Variants in CCDC77 observed in about 807,000 individuals in gnomAD.
The protein encoded by CCDC77 is coiled-coil domain containing 77.
A neutral mutation model predicts 66.8 loss-of-function variants in CCDC77; 56 were observed. That is an observed-to-expected ratio of 0.84 (90% CI 0.68 to 1.05). The LOEUF (loss-of-function observed/expected upper bound fraction) is 1.05, where lower values mean the gene tolerates loss of function less well. Ranked by LOEUF, CCDC77 falls within the 50% of genes least tolerant of loss-of-function variation. The pLI is 0.00. For missense variants in CCDC77, 570 were observed against 576.8 expected (o/e 0.99, Z 0.12); for synonymous variants, 196 against 195.2 (o/e 1.00, Z -0.03).
chr12:431,996 C>T (rs761848923), intron 8 of CCDC77, 42 bp downstream of exon 8: 2 of 1,211,532 alleles, frequency 1.7e-6, no homozygotes, highest in South Asian at 1.2e-5. Context: ...CTTTTATCCA[C>T]AGGTGCAGCT....
At chr12:428,728 G>A (rs1400955762) in intron 5 of CCDC77, 41 bp from the exon 6 acceptor site, 1 of 1,366,132 alleles carries the variant, frequency 7.3e-7, no homozygotes. Flanking sequence ...ACTTACTTGG[G>A]ACATTTAATA....
chr12:411,698 A>G, intron 3 of CCDC77, 49 bp from the exon 4 acceptor site: 1 of 1,466,712 alleles, frequency 6.8e-7, no homozygotes, highest in African/African-American at 1.4e-5. Flanking sequence ...GTTATAACTC[A>G]TAAACTTTCG....
chr12:439,246 G>A (rs1275892480), intron 10 of CCDC77, among the ~76,000 whole-genome samples: 2 of 151,968 alleles, frequency 1.3e-5, no homozygotes, highest in East Asian at 3.9e-4. Flanking sequence ...TAGGCCAGAC[G>A]CGATGGCTCA....
chr12:413,801 G>T (rs781711740), intron 4 of CCDC77, among the ~76,000 whole-genome samples: 1 of 150,064 alleles, frequency 6.7e-6, no homozygotes, highest in Non-Finnish European at 1.5e-5. Flanking sequence ...CTAATTTTTT[G>T]TATTTTAGTA....
intron 9 of CCDC77, among the ~76,000 whole-genome samples, chr12:434,186 A>G (rs1439336045): frequency 1.3e-5 from 2 of 152,070 alleles, no homozygotes; most frequent in Non-Finnish European, 2.9e-5. Context: ...TATTTTTAAA[A>G]TCTGAAAAAA....
chr12:407,782 A>T (rs1591962375), intron 2 of CCDC77, among the ~76,000 whole-genome samples: 9 of 100,440 alleles, frequency 9.0e-5, no homozygotes, highest in Admixed American at 4.1e-4. Context: ...AGGACTGAAG[A>T]TTTTTTTTTT....
chr12:394,921 G>A (rs1944806656), intron 1 of CCDC77, among the ~76,000 whole-genome samples: 1 of 152,190 alleles, frequency 6.6e-6, no homozygotes, highest in Non-Finnish European at 1.5e-5. Flanking sequence ...CAAAGTATCG[G>A]CTCTCATACA....
upstream of CCDC77, chr12:401,434 C>T (rs1031888767): frequency 6.6e-6 from 1 of 152,272 alleles, no homozygotes; most frequent in African/African-American, 2.4e-5. Context: ...GCTGCGTCGC[C>T]CCGCGCAGAG....
upstream of CCDC77, among the ~76,000 whole-genome samples, chr12:398,824 A>G (rs1944861417): frequency 1.3e-5 from 2 of 151,756 alleles, no homozygotes; most frequent in African/African-American, 4.8e-5. Context: ...CAGTGGCACA[A>G]TCTCGGCTCA....
At chr12:400,247 T>C (rs1944878417), upstream of CCDC77, among the ~76,000 whole-genome samples, 1 of 152,268 alleles carries the variant, frequency 6.6e-6, no homozygotes, top group African/African-American at 2.4e-5. Context: ...CAGGGAATGC[T>C]GTGGCTGGTT....
At chr12:438,271 A>G in intron 9 of CCDC77, 64 bp from the exon 10 acceptor site, 1 of 1,115,802 alleles carries the variant, frequency 9.0e-7, no homozygotes, top group Non-Finnish European at 1.3e-6. Context: ...ATTTTGGAAT[A>G]ATCCTTGCTT....
At chr12:438,240 T>A in intron 9 of CCDC77, 95 bp from the exon 10 acceptor site, 1 of 863,364 alleles carries the variant, frequency 1.2e-6, no homozygotes, top group South Asian at 1.8e-5. Context: ...TCACACCATT[T>A]TAAAAGAACC....
intron 5 of CCDC77, among the ~76,000 whole-genome samples, chr12:427,178 G>A (rs1183012725): frequency 1.3e-5 from 2 of 152,038 alleles, no homozygotes; most frequent in East Asian, 3.9e-4. Flanking sequence ...CCAGGAGGCG[G>A]AGGTTGCGGT....
chr12:438,190 C>A (rs1945791378), intron 9 of CCDC77, 145 bp from the exon 10 acceptor site: 1 of 610,726 alleles, frequency 1.6e-6, no homozygotes, highest in Non-Finnish European at 2.8e-6. Context: ...TGCCAGTGAT[C>A]AGATTTTTAA....
chr12:419,458 TA>T (rs1446333099), intron 5 of CCDC77, among the ~76,000 whole-genome samples: 133 of 138,240 alleles, frequency 9.6e-4, no homozygotes, highest in East Asian at 1.5e-3. Flanking sequence ...AGTGAGAGGG[TA>T]AAATACACAT....
chr12:425,898 T>A (rs12231564), intron 5 of CCDC77, among the ~76,000 whole-genome samples: 48,822 of 152,122 alleles, frequency 0.32, 9,901 homozygotes, highest in Non-Finnish European at 0.45. Context: ...GGCGTCTCAG[T>A]CTGTCACCCA....
Position 395,632 on chromosome 12 carries a change from G to A in CCDC77, c.-113+6146G>A, listed in dbSNP as rs530761603. ...GTACAGGCCGAGTGTGCTGGCTCAC[G>A]CCTGTAATCCCAGAACTCTGGGAGG... On this transcript the variant is annotated intron_variant, in intron 1 of 11. Transcript: ENST00000422000. 4.1e-4 allele frequency among the ~76,000 whole-genome samples: 63 copies of A among 152,266 alleles called. 1 individual carries two copies. Among genetic ancestry groups the A allele is most frequent in the African/African-American group, 1.4e-3 (60 of 41,560 alleles).
At chr12:395,490 G>A (rs923352164) in intron 1 of CCDC77, among the ~76,000 whole-genome samples, 3 of 152,026 alleles carry the variant, frequency 2.0e-5, no homozygotes, top group Non-Finnish European at 4.4e-5. Context: ...TTCCATATAT[G>A]TGGGTTCCTC....
upstream of CCDC77, among the ~76,000 whole-genome samples, chr12:397,395 G>C (rs1458980302): frequency 1.3e-5 from 2 of 152,160 alleles, no homozygotes; most frequent in Admixed American, 1.3e-4. Flanking sequence ...TGTTTGGGAA[G>C]ATATTAATGT....
Sources: gnomAD v4.1 joint callset for allele counts (sites outside exome capture counted in the v4.1 genomes callset) on GRCh38, gnomAD v4.1.1 for gene constraint, MANE v1.5 for transcripts, NCBI Gene and HGNC (gene_info 2026-07-23, HGNC 2026-07-21) for gene names.